Variants in RASA3 observed in about 807,000 individuals in gnomAD.
RASA3 encodes ras GTPase-activating protein 3.
RASA3 carries 73 observed loss-of-function variants against 110.0 expected under a neutral mutation model. The observed-to-expected ratio is 0.66, with a 90% CI of 0.55 to 0.81. RASA3 has a LOEUF of 0.81. Ranked by LOEUF, RASA3 falls within the 30% of genes least tolerant of loss-of-function variation. The pLI is 0.00. For synonymous variants in RASA3, 500 were observed against 451.4 expected, an observed-to-expected ratio of 1.11 and a Z score of -1.37; for missense variants, 976 against 1,113.2, an observed-to-expected ratio of 0.88 and a Z score of 1.75.
intron 2 of RASA3, among the ~76,000 whole-genome samples, chr13:114,067,431 A>G (rs1319863113): frequency 6.6e-6 from 1 of 152,252 alleles, no homozygotes; most frequent in Non-Finnish European, 1.5e-5. Context: ...GTGACTTTTC[A>G]TGAGTCGCCT....
At chr13:114,047,780 G>C (rs556470520) in intron 3 of RASA3, among the ~76,000 whole-genome samples, 1 of 152,380 alleles carries the variant, frequency 6.6e-6, no homozygotes, top group African/African-American at 2.4e-5. Context: ...CCCCTCCAGG[G>C]TTTGAGTCAC....
At chr13:114,100,848 A>G (rs117769124) in intron 1 of RASA3, among the ~76,000 whole-genome samples, 1 of 152,230 alleles carries the variant, frequency 6.6e-6, no homozygotes, top group Non-Finnish European at 1.5e-5. Context: ...CCACCTGGAG[A>G]GGCTGCTAGT....
intron 4 of RASA3, among the ~76,000 whole-genome samples, chr13:114,034,043 G>T (rs1397841665): frequency 6.6e-6 from 1 of 152,196 alleles, no homozygotes; most frequent in African/African-American, 2.4e-5. Context: ...CCTGCTATCC[G>T]TGGCTATCCA....
intron 1 of RASA3, among the ~76,000 whole-genome samples, chr13:114,081,394 A>G (rs1043375759): frequency 3.9e-5 from 6 of 152,350 alleles, no homozygotes; most frequent in Admixed American, 6.5e-5. Flanking sequence ...CGGGGGCCGC[A>G]TCACCCAGCA....
chr13:114,041,948 T>C (rs1408217161), intron 3 of RASA3, among the ~76,000 whole-genome samples: 1 of 152,176 alleles, frequency 6.6e-6, no homozygotes, highest in Non-Finnish European at 1.5e-5. Context: ...TGGGCACTTG[T>C]GTGGGCCCCA....
intron 4 of RASA3, among the ~76,000 whole-genome samples, chr13:114,038,224 T>C (rs2054318618): frequency 6.6e-6 from 1 of 152,174 alleles, no homozygotes; most frequent in Non-Finnish European, 1.5e-5. Flanking sequence ...TATCCCAGAA[T>C]AGAAGAGCTG....
At chr13:114,118,594 C>T (rs1357789421) in intron 1 of RASA3, among the ~76,000 whole-genome samples, 1 of 152,136 alleles carries the variant, frequency 6.6e-6, no homozygotes, top group Non-Finnish European at 1.5e-5. Context: ...TAGAAATGTC[C>T]CAAATATTTC....
At chr13:114,013,275 G>T (rs183688099) in intron 14 of RASA3, 27 bp from the exon 15 acceptor site, 62 of 1,570,824 alleles carry the variant, frequency 3.9e-5, no homozygotes, top group Non-Finnish European at 5.1e-5. Context: ...CAGGGTGACC[G>T]TTTTCCTCGG....
chr13:114,094,550 G>A lies in RASA3; in HGVS notation c.56-20713C>T, dbSNP rs115520574. Among the ~76,000 whole-genome samples, 275 of 152,272 alleles carry A rather than the reference G, an allele frequency of 1.8e-3. 3 individuals are homozygous for A. The highest frequency in any genetic ancestry group is 6.2e-3 in the African/African-American group (259 of 41,544). On this transcript the variant is annotated intron_variant, in intron 1 of 23. Coordinates refer to ENST00000334062, the MANE Select transcript of RASA3 (RefSeq NM_007368.4). ...CATTGTAAATGTGCTAAATGCCACT[G>A]AATCGTACACTTTAAAATTCTTAAA...
At chr13:114,066,542 C>CCAGGAGGCTCCTGCAGGCA (rs2079453009) in intron 2 of RASA3, among the ~76,000 whole-genome samples, 1 of 152,226 alleles carries the variant, frequency 6.6e-6, no homozygotes, top group Non-Finnish European at 1.5e-5. Context: ...CAGCTCAGGG[C>CCAGGAGGCTCCTGCAGGCA]CAGGAGGCTC....
At chr13:113,997,133 G>A (rs980100315) in intron 20 of RASA3, among the ~76,000 whole-genome samples, 1 of 152,220 alleles carries the variant, frequency 6.6e-6, no homozygotes, top group African/African-American at 2.4e-5. Flanking sequence ...CCATCCACGT[G>A]GTGCTCGTGC....
At chr13:114,126,372 G>A (rs528640678) in intron 1 of RASA3, among the ~76,000 whole-genome samples, 40 of 152,292 alleles carry the variant, frequency 2.6e-4, no homozygotes, top group African/African-American at 6.7e-4. Flanking sequence ...AGGCCAGGCC[G>A]TGCATCTCAT....
intron 1 of RASA3, among the ~76,000 whole-genome samples, chr13:114,077,578 ATG>A: frequency 1.6e-5 from 2 of 121,590 alleles, no homozygotes; most frequent in Non-Finnish European, 1.7e-5. Context: ...ACTGGCACCA[ATG>A]CACCGGATTC....
chr13:114,074,472 A>T (rs2079633911), intron 1 of RASA3, among the ~76,000 whole-genome samples: 1 of 152,202 alleles, frequency 6.6e-6, no homozygotes, highest in Admixed American at 6.5e-5. Flanking sequence ...TTTAAGGTTG[A>T]ATAACTTCCA....
chr13:114,031,336 T>TGGCTGTGTGTGTCC (rs1363495899), intron 4 of RASA3, among the ~76,000 whole-genome samples: 4 of 151,886 alleles, frequency 2.6e-5, no homozygotes, highest in African/African-American at 9.7e-5. Flanking sequence ...TCTGTGTGTT[T>TGGCTGTGTGTGTCC]GGCTGTGTGT....
intron 22 of RASA3, among the ~76,000 whole-genome samples, chr13:113,991,950 C>A (rs890464371): frequency 6.9e-6 from 1 of 145,654 alleles, no homozygotes; most frequent in African/African-American, 2.8e-5. Flanking sequence ...CATTCACACA[C>A]ACTCACACAC....
At chr13:113,996,122 G>C (rs2053251465) in intron 21 of RASA3, among the ~76,000 whole-genome samples, 1 of 151,730 alleles carries the variant, frequency 6.6e-6, no homozygotes, top group Admixed American at 6.6e-5. Flanking sequence ...TGGGGGGCCG[G>C]GAAGACAACG....
intron 1 of RASA3, among the ~76,000 whole-genome samples, chr13:114,105,760 G>A (rs1427144840): frequency 2.0e-5 from 3 of 152,186 alleles, no homozygotes; most frequent in South Asian, 2.1e-4. Context: ...TGACCATGAC[G>A]GCATATTTAC....
intron 1 of RASA3, among the ~76,000 whole-genome samples, chr13:114,128,625 G>A (rs1051777724): frequency 2.0e-5 from 3 of 152,248 alleles, no homozygotes; most frequent in Non-Finnish European, 4.4e-5. Flanking sequence ...GCAGCCCCTG[G>A]CCCTCACTGC....
Sources: gnomAD v4.1 joint callset for allele counts (sites outside exome capture counted in the v4.1 genomes callset) on GRCh38, gnomAD v4.1.1 for gene constraint, MANE v1.5 for transcripts, NCBI Gene and HGNC (gene_info 2026-07-23, HGNC 2026-07-21) for gene names.